Variants in FHIT observed in about 807,000 individuals in gnomAD.
FHIT encodes the protein bis(5'-adenosyl)-triphosphatase.
Under a neutral mutation model 17.9 loss-of-function variants are expected in FHIT, and 19 were observed. The ratio of observed to expected loss-of-function variants is 1.06; its 90% CI spans 0.74 to 1.56. FHIT has a LOEUF of 1.56. Ranked by LOEUF, FHIT falls within the 40% of genes most tolerant of loss-of-function variation. FHIT has a pLI of 0.00. For synonymous variants in FHIT, 81 were observed against 69.7 expected (o/e 1.16, Z -0.81); for missense variants, 248 against 189.2 (o/e 1.31, Z -1.82).
At chr3:60,682,778 A>G (rs1553697259) in intron 4 of FHIT, among the ~76,000 whole-genome samples, 1 of 152,212 alleles carries the variant, frequency 6.6e-6, no homozygotes, top group Non-Finnish European at 1.5e-5. Context: ...TTTAAGAAAT[A>G]CATTTGTAAG....
At chr3:60,152,048 G>C (rs1030847801) in intron 5 of FHIT, among the ~76,000 whole-genome samples, 2 of 152,086 alleles carry the variant, frequency 1.3e-5, no homozygotes, top group African/African-American at 2.4e-5. Flanking sequence ...GTGAATAAAT[G>C]AATCAATCAA....
At chr3:60,432,637 T>A (rs1299519253) in intron 5 of FHIT, among the ~76,000 whole-genome samples, 1 of 152,096 alleles carries the variant, frequency 6.6e-6, no homozygotes, top group East Asian at 1.9e-4. Context: ...TTTTCACAGC[T>A]AAACAATTGA....
chr3:60,161,294 G>A (rs1455820597), intron 5 of FHIT, among the ~76,000 whole-genome samples: 1 of 152,168 alleles, frequency 6.6e-6, no homozygotes, highest in South Asian at 2.1e-4. Context: ...TGGGCATCAC[G>A]AAGCTTGTAA....
chr3:60,686,111 A>T (rs1716733), intron 4 of FHIT, among the ~76,000 whole-genome samples: 139,713 of 152,234 alleles, frequency 0.92, 64,181 homozygotes, highest in Non-Finnish European at 0.94. Flanking sequence ...TTGGATAGTC[A>T]TATCTCCTTA....
At chr3:60,310,273 G>C (rs940308529) in intron 5 of FHIT, among the ~76,000 whole-genome samples, 1 of 152,114 alleles carries the variant, frequency 6.6e-6, no homozygotes, top group Non-Finnish European at 1.5e-5. Flanking sequence ...TCTCTGTTCT[G>C]TGGTGTTTTT....
chr3:61,189,323 C>G (rs1248044219), intron 2 of FHIT, among the ~76,000 whole-genome samples: 1 of 152,106 alleles, frequency 6.6e-6, no homozygotes, highest in Non-Finnish European at 1.5e-5. Flanking sequence ...TGAGTGAACT[C>G]CCATTCACAA....
At position 60,850,409 on chromosome 3, in the gene FHIT, T is replaced by C. The variant is rs114673515; in HGVS notation, c.-110-28398A>G. On this transcript the variant is annotated intron_variant, in intron 3 of 9. Coordinates refer to ENST00000492590, the MANE Select transcript of FHIT (RefSeq NM_002012.4). ...AATCACTAAGGTCTCAGCTCTAATGTTATCTCTTCAGAGAGGCCTTCCCTG... is the reference window on the plus strand; with the variant it reads ...AATCACTAAGGTCTCAGCTCTAATGCTATCTCTTCAGAGAGGCCTTCCCTG... Among the ~76,000 whole-genome samples the C allele has an allele frequency of 2.8e-3, 421 of 150,666 alleles. 5 individuals are homozygous for C. The highest frequency in any genetic ancestry group is 9.9e-3 in the African/African-American group (405 of 41,050).
intron 7 of FHIT, among the ~76,000 whole-genome samples, chr3:59,994,400 CAGA>C (rs1195285969): frequency 4.6e-5 from 7 of 152,092 alleles, no homozygotes; most frequent in East Asian, 3.9e-4. Context: ...CACATAATCA[CAGA>C]AGAAGTTCTC....
intron 3 of FHIT, among the ~76,000 whole-genome samples, chr3:60,960,630 C>T (rs925869884): frequency 4.6e-5 from 7 of 152,110 alleles, no homozygotes; most frequent in African/African-American, 1.7e-4. Flanking sequence ...GTTCTCCATC[C>T]TGTGTCTATG....
At chr3:60,543,907 C>CTTTTTTTTTTCTTTTTTT in intron 4 of FHIT, among the ~76,000 whole-genome samples, 1 of 52,076 alleles carries the variant, frequency 1.9e-5, no homozygotes, top group Non-Finnish European at 3.0e-5. Flanking sequence ...CCACGCCCGG[C>CTTTTTTTTTTCTTTTTTT]TTTTTTTTTT....
chr3:60,660,750 T>TTTTTTTTTA (rs2040228303), intron 4 of FHIT, among the ~76,000 whole-genome samples: 1 of 134,040 alleles, frequency 7.5e-6, no homozygotes, highest in Non-Finnish European at 1.6e-5. Flanking sequence ...TTTTTTTTTT[T>TTTTTTTTTA]GCCATCTGCC....
chr3:61,105,322 GAAA>G (rs1345951514), intron 2 of FHIT, among the ~76,000 whole-genome samples: 5 of 152,040 alleles, frequency 3.3e-5, no homozygotes, highest in African/African-American at 4.8e-5. Context: ...TTCGTTTCTG[GAAA>G]ATTTTAGGGG....
intron 8 of FHIT, among the ~76,000 whole-genome samples, chr3:59,862,287 T>C (rs1451423594): frequency 2.0e-5 from 3 of 152,292 alleles, no homozygotes; most frequent in Admixed American, 6.5e-5. Flanking sequence ...CATCAGATCT[T>C]GTGAGACTTA....
intron 3 of FHIT, among the ~76,000 whole-genome samples, chr3:60,940,642 G>A (rs1311627039): frequency 3.9e-5 from 6 of 152,072 alleles, no homozygotes; most frequent in African/African-American, 1.2e-4. Context: ...TACACAGAGA[G>A]CCAAATCAAT....
intron 8 of FHIT, among the ~76,000 whole-genome samples, chr3:59,882,624 T>C (rs1703456854): frequency 6.6e-6 from 1 of 152,102 alleles, no homozygotes; most frequent in African/African-American, 2.4e-5. Context: ...TAGGTGGAGG[T>C]ACAGAGGGGT....
chr3:60,844,224 T>G (rs1702843727), intron 3 of FHIT, among the ~76,000 whole-genome samples: 1 of 152,174 alleles, frequency 6.6e-6, no homozygotes, highest in Admixed American at 6.5e-5. Flanking sequence ...AAAAGTTTAT[T>G]GATTAGGTAA....
In FHIT at chr3:59,990,331, T is replaced by C. The variant is rs969171146; in HGVS notation, c.279+21040A>G. ...GTGCCAAGCACCATGTTGGCCTCAA[T>C]CGGTAGCAATTCTAATTCTTTTTCC... On this transcript the variant is annotated intron_variant, in intron 7 of 9. Coordinates refer to ENST00000492590, the MANE Select transcript of FHIT (RefSeq NM_002012.4). Among the ~76,000 whole-genome samples, 3 of 152,066 alleles carry C rather than the reference T, an allele frequency of 2.0e-5. No homozygotes were observed. In the East Asian group the frequency reaches 5.8e-4, roughly 29 times the overall value.
intron 5 of FHIT, among the ~76,000 whole-genome samples, chr3:60,305,385 ACC>A (rs1559804414): frequency 3.3e-5 from 5 of 152,050 alleles, no homozygotes; most frequent in Non-Finnish European, 7.4e-5. Flanking sequence ...AATCTAAGGT[ACC>A]TTGGAATAAT....
At chr3:60,613,055 C>T (rs1205661420) in intron 4 of FHIT, among the ~76,000 whole-genome samples, 4 of 152,194 alleles carry the variant, frequency 2.6e-5, no homozygotes, top group African/African-American at 9.7e-5. Flanking sequence ...ATCTTGCCTG[C>T]AGGAACATGC....
Sources: gnomAD v4.1 joint callset for allele counts (sites outside exome capture counted in the v4.1 genomes callset) on GRCh38, gnomAD v4.1.1 for gene constraint, MANE v1.5 for transcripts, NCBI Gene and HGNC (gene_info 2026-07-23, HGNC 2026-07-21) for gene names.